Variants in PDCL3 observed in about 807,000 individuals in gnomAD.
The protein encoded by PDCL3 is phosducin like 3.
Under a neutral mutation model 26.5 loss-of-function variants are expected in PDCL3, and 22 were observed. The ratio of observed to expected loss-of-function variants is 0.83; its 90% CI spans 0.59 to 1.19. PDCL3 has a LOEUF of 1.19. Ranked by LOEUF, PDCL3 falls within the 50% of genes most tolerant of loss-of-function variation. The pLI is 0.00. For missense variants in PDCL3, 246 were observed against 294.1 expected, an observed-to-expected ratio of 0.84 and a Z score of 1.20; for synonymous variants, 81 against 104.9, an observed-to-expected ratio of 0.77 and a Z score of 1.39.
chr2:100,575,407 T>C (rs977435247), intron 5 of PDCL3, among the ~76,000 whole-genome samples: 6 of 152,214 alleles, frequency 3.9e-5, no homozygotes, highest in Non-Finnish European at 7.3e-5. Context: ...AGTGCTGGGA[T>C]TACAGGCATG....
intron 3 of PDCL3, among the ~76,000 whole-genome samples, chr2:100,569,245 G>A (rs1675120828): frequency 6.6e-6 from 1 of 152,114 alleles, no homozygotes. Flanking sequence ...GCTGGGTGTG[G>A]TGGTGAACGG....
chr2:100,566,289 A>T (rs1472123950), intron 1 of PDCL3, among the ~76,000 whole-genome samples: 1 of 152,202 alleles, frequency 6.6e-6, no homozygotes, highest in African/African-American at 2.4e-5. Flanking sequence ...CCCTATCCTA[A>T]TTTTTACCCC....
Position 100,571,114 on chromosome 2 carries a change from C to CGAAAAA in PDCL3, c.369-476_369-475insGAAAAA, listed in dbSNP as rs1553417816. 1.5e-3 allele frequency among the ~76,000 whole-genome samples: 159 copies of CGAAAAA among 109,074 alleles called. 3 individuals carry two copies. Among genetic ancestry groups the CGAAAAA allele is most frequent in the African/African-American group, 2.4e-3 (71 of 29,308 alleles). The allele number at this position is 109,074 out of a possible 152,430, so 71.6% of individuals were successfully genotyped here. ...GCAACGTGGTGAAACCCTGTCTTTACAAAAAAAAAAAAAAAAAATCAGCTG... is the reference window on the plus strand; with the variant it reads ...GCAACGTGGTGAAACCCTGTCTTTACGAAAAAAAAAAAAAAAAAAAAAAATCAGCTG... On this transcript the variant is annotated intron_variant, in intron 4 of 5. Coordinates refer to ENST00000264254, the MANE Select transcript of PDCL3 (RefSeq NM_024065.5).
intron 5 of PDCL3, among the ~76,000 whole-genome samples, chr2:100,574,441 CTTTT>C (rs879348667): frequency 7.0e-6 from 1 of 142,908 alleles, no homozygotes; most frequent in Non-Finnish European, 1.5e-5. Flanking sequence ...TCGTGGAACA[CTTTT>C]TTTTTTTTTA....
intron 5 of PDCL3, among the ~76,000 whole-genome samples, chr2:100,573,894 AG>A (rs1271944544): frequency 1.3e-5 from 2 of 152,186 alleles, no homozygotes; most frequent in Non-Finnish European, 2.9e-5. Context: ...AAAGTCTTGA[AG>A]TCTAGTGAAC....
chr2:100,571,293 C>A (rs1313388555), intron 4 of PDCL3, among the ~76,000 whole-genome samples: 1 of 151,948 alleles, frequency 6.6e-6, no homozygotes, highest in Non-Finnish European at 1.5e-5. Context: ...ATGATCTTGG[C>A]CAGGCTGGTC....
At position 100,566,613 on chromosome 2, in the gene PDCL3, C is replaced by T. The variant is rs1675067086; in HGVS notation, c.117C>T (p.Ile39=). 4 of 1,613,924 alleles carry T rather than the reference C, an allele frequency of 2.5e-6. No individual in the cohort carries two copies. Among genetic ancestry groups the T allele is most frequent in the East Asian group, 2.2e-5 (1 of 44,888 alleles). Residue 39 remains isoleucine, a synonymous_variant, in exon 2 of 6, where the codon ATC becomes ATT. Coordinates refer to ENST00000264254, the MANE Select transcript of PDCL3 (RefSeq NM_024065.5). The stretch of plus-strand genomic sequence containing the variant: ...AGGAGGCAGAAGAGGAGCAGCGCAT[C>T]CTCCAGCAGTCAGTGGGTGAGTTCA... ...LEEEAEEEQR[I]LQQSVVKTYE...
At chr2:100,570,945 A>G (rs1022439111) in intron 4 of PDCL3, among the ~76,000 whole-genome samples, 1 of 151,986 alleles carries the variant, frequency 6.6e-6, no homozygotes, top group Non-Finnish European at 1.5e-5. Flanking sequence ...TGTGTTCTTC[A>G]CTTTCCCTCA....
intron 1 of PDCL3, among the ~76,000 whole-genome samples, chr2:100,565,651 A>G (rs1290327251): frequency 6.6e-6 from 1 of 152,168 alleles, no homozygotes; most frequent in African/African-American, 2.4e-5. Flanking sequence ...CCTCCTCTGT[A>G]GGGAACATCC....
In PDCL3 at chr2:100,571,753, T is replaced by C; in HGVS notation, c.532T>C (p.Phe178Leu). ...VYLEGDIKAQ[F>L]IGPLVFGGMN... ...CCTGGAAGGAGATATCAAGGCTCAG[T>C]TTATTGGTCCTCTGGTGTTTGGCGG... The change falls in exon 5 of 6, where the codon TTT becomes CTT. Residue 178 changes from phenylalanine (F) to leucine (L), a missense_variant. Coordinates refer to ENST00000264254, the MANE Select transcript of PDCL3 (RefSeq NM_024065.5). The C allele has an allele frequency of 1.2e-6, 2 of 1,614,038 alleles. No homozygotes were observed. Among genetic ancestry groups the C allele is most frequent in the South Asian group, 2.2e-5 (2 of 91,074 alleles).
In PDCL3 at chr2:100,568,848, G is replaced by A. The variant is rs1008146592; in HGVS notation, c.134-83G>A. The A allele has an allele frequency of 1.2e-4, 137 of 1,101,730 alleles. 2 individuals are homozygous for A. In the East Asian group the frequency reaches 3.2e-3, roughly 26 times the overall value. The allele number at this position is 1,101,730 out of a possible 1,614,324, so 68.2% of individuals were successfully genotyped here. On this transcript the variant is annotated intron_variant, in intron 2 of 5. Coordinates refer to ENST00000264254, the MANE Select transcript of PDCL3 (RefSeq NM_024065.5). The stretch of plus-strand genomic sequence containing the variant: ...TCTGGTGTTGTGTGCATATCTTTAG[G>A]AGAAAAGAGAGGGGAAAAAAGAAAA...
chr2:100,570,054 G>T (rs1013058414), intron 4 of PDCL3, among the ~76,000 whole-genome samples: 28 of 152,168 alleles, frequency 1.8e-4, no homozygotes, highest in Non-Finnish European at 4.0e-4. Context: ...AGCTTGCAGT[G>T]AGCCGAGATT....
In PDCL3 at chr2:100,569,668, A is replaced by C. The variant is rs776024741; in HGVS notation, c.315A>C (p.Glu105Asp). The C allele has an allele frequency of 6.2e-7, 1 of 1,614,144 alleles. No individual in the cohort carries two copies. The highest frequency in any genetic ancestry group is 2.2e-5 in the East Asian group (1 of 44,876). ...LEISGKDYVQ[E>D]VTKAGEGLWV... is the part of the protein sequence containing the mutation. Reference sequence around the variant, plus strand: ...TCTCAGGGAAGGATTATGTTCAAGAAGTTACCAAAGCTGGCGAGGGCTTGT... The same window carrying C: ...TCTCAGGGAAGGATTATGTTCAAGACGTTACCAAAGCTGGCGAGGGCTTGT... The change falls in exon 4 of 6, where the codon GAA becomes GAC. Residue 105 changes from glutamate to aspartate, a missense_variant. Transcript: ENST00000264254.
In PDCL3 at chr2:100,563,045, T is replaced by G. The variant is rs1187882921; in HGVS notation, c.-23T>G. 27 of 1,600,824 alleles carry G rather than the reference T, an allele frequency of 1.7e-5. No individual in the cohort carries two copies. The highest frequency in any genetic ancestry group is 2.2e-5 in the Non-Finnish European group (26 of 1,174,302). ...CGGGGGCGCTGCGGCACAGCTGGTTTGAGCAACTGAACTGGAAACAAGATG... is the reference window on the plus strand; with the variant it reads ...CGGGGGCGCTGCGGCACAGCTGGTTGGAGCAACTGAACTGGAAACAAGATG... On this transcript the variant is annotated 5_prime_UTR_variant, in exon 1 of 6. Transcript: ENST00000264254.
chr2:100,564,627 T>TA (rs1489846606), intron 1 of PDCL3, among the ~76,000 whole-genome samples: 1 of 152,186 alleles, frequency 6.6e-6, no homozygotes, highest in Non-Finnish European at 1.5e-5. Flanking sequence ...TCAGAACTGT[T>TA]ACACAGGGTT....
chr2:100,571,650 T>C lies in PDCL3; in HGVS notation c.429T>C (p.Asp143=), dbSNP rs776685839. The part of the protein sequence containing the change: ...HLSGLARKFP[D]VKFIKAISTT... ...GTGGACTTGCCAGGAAGTTTCCTGA[T>C]GTCAAATTTATCAAAGCCATTTCAA... Residue 143 remains aspartate, a synonymous_variant, in exon 5 of 6, where the codon GAT becomes GAC. Coordinates refer to ENST00000264254, the MANE Select transcript of PDCL3 (RefSeq NM_024065.5). 6.2e-7 allele frequency: 1 copy of C among 1,613,400 alleles called. No individual in the cohort carries two copies. Among genetic ancestry groups the C allele is most frequent in the Non-Finnish European group, 8.5e-7 (1 of 1,179,856 alleles).
At chr2:100,573,654 C>T (rs190917873) in intron 5 of PDCL3, among the ~76,000 whole-genome samples, 3 of 141,864 alleles carry the variant, frequency 2.1e-5, no homozygotes, top group Non-Finnish European at 4.5e-5. Flanking sequence ...GCCTGGGTAA[C>T]GAGCGAAACT....
intron 2 of PDCL3, 114 bp downstream of exon 2, chr2:100,566,743 TG>T (rs1234961707): frequency 4.8e-6 from 7 of 1,469,624 alleles, no homozygotes; most frequent in Non-Finnish European, 6.4e-6. Flanking sequence ...TCTGTGTCTG[TG>T]GGACCTCAGA....
chr2:100,569,535 A>G (rs781188520), intron 3 of PDCL3, 43 bp from the exon 4 acceptor site: 2 of 1,607,752 alleles, frequency 1.2e-6, no homozygotes, highest in Non-Finnish European at 1.7e-6. Context: ...GTGTGTGTAC[A>G]CGTGTTTGTG....
Sources: gnomAD v4.1 joint callset for allele counts (sites outside exome capture counted in the v4.1 genomes callset) on GRCh38, gnomAD v4.1.1 for gene constraint, MANE v1.5 for transcripts, NCBI Gene and HGNC (gene_info 2026-07-23, HGNC 2026-07-21) for gene names.